The following SNX29 variants were observed in gnomAD, a reference collection of about 807,000 sequenced individuals.
The protein encoded by SNX29 is sorting nexin-29.
Under a neutral mutation model 102.1 loss-of-function variants are expected in SNX29, and 78 were observed. That is an observed-to-expected ratio of 0.76 (90% CI 0.64 to 0.92). The LOEUF (loss-of-function observed/expected upper bound fraction) is 0.92, where lower values mean the gene tolerates loss of function less well. Among genes scored for constraint, SNX29 ranks in the 40% least tolerant of loss-of-function variants. The pLI is 0.00. For synonymous variants in SNX29, 580 were observed against 414.5 expected (o/e 1.40, Z -4.85); for missense variants, 1,280 against 1,061.7 (o/e 1.21, Z -2.86).
chr16:12,164,230 A>G (rs2055913510), intron 13 of SNX29, among the ~76,000 whole-genome samples: 1 of 152,144 alleles, frequency 6.6e-6, no homozygotes, highest in Non-Finnish European at 1.5e-5. Context: ...AGAAATGTCA[A>G]GAGGGGCGCA....
chr16:12,093,348 G>T (rs2052637594), intron 11 of SNX29, among the ~76,000 whole-genome samples: 1 of 152,180 alleles, frequency 6.6e-6, no homozygotes, highest in African/African-American at 2.4e-5. Context: ...AGTGGTTCCT[G>T]GCTGTAATCC....
At chr16:12,010,956 C>T (rs2056628989) in intron 3 of SNX29, among the ~76,000 whole-genome samples, 1 of 151,858 alleles carries the variant, frequency 6.6e-6, no homozygotes, top group East Asian at 1.9e-4. Context: ...GAATGTTTGT[C>T]ATGTGATTTT....
At chr16:12,097,994 C>G (rs139090548) in intron 11 of SNX29, among the ~76,000 whole-genome samples, 1 of 152,236 alleles carries the variant, frequency 6.6e-6, no homozygotes, top group Admixed American at 6.5e-5. Context: ...CCTGCAGTCC[C>G]ACATGAAGGG....
At chr16:12,135,277 A>C (rs553964756) in intron 13 of SNX29, among the ~76,000 whole-genome samples, 1 of 152,344 alleles carries the variant, frequency 6.6e-6, no homozygotes, top group Non-Finnish European at 1.5e-5. Context: ...GCCCACACAC[A>C]TGGATATGCA....
At chr16:12,261,251 CA>C (rs2078747408) in intron 14 of SNX29, among the ~76,000 whole-genome samples, 1 of 126,604 alleles carries the variant, frequency 7.9e-6, no homozygotes, top group Non-Finnish European at 1.6e-5. Context: ...TCTGTGTGCG[CA>C]CCCCCGGGTG....
intron 14 of SNX29, among the ~76,000 whole-genome samples, chr16:12,242,352 A>AATATATAT (rs1272895007): frequency 0.012 from 1,717 of 137,924 alleles, 60 homozygotes; most frequent in African/African-American, 0.046. Flanking sequence ...TATATATAAT[A>AATATATAT]ATATATATAT....
At position 11,999,366 on chromosome 16, in the gene SNX29, G is replaced by A; in HGVS notation, c.69+8G>A. 6.2e-7 allele frequency: 1 copy of A among 1,613,954 alleles called. No homozygotes were observed. Reference sequence around the variant, plus strand: ...CTGGATGCAGTGAAACAGGTAAGCAGAAAGCACACATTTGCCTTTTTGGTC... The same window carrying A: ...CTGGATGCAGTGAAACAGGTAAGCAAAAAGCACACATTTGCCTTTTTGGTC... On this transcript the variant is annotated splice_region_variant and intron_variant, in intron 2 of 20. Coordinates refer to ENST00000566228, the MANE Select transcript of SNX29 (RefSeq NM_032167.5).
chr16:12,537,798 A>G (rs1050007381), intron 20 of SNX29, among the ~76,000 whole-genome samples: 10 of 152,192 alleles, frequency 6.6e-5, no homozygotes, highest in African/African-American at 1.4e-4. Flanking sequence ...AATATCTCCT[A>G]TATCAGAGAG....
At chr16:12,467,644 A>G (rs62028443) in intron 18 of SNX29, among the ~76,000 whole-genome samples, 20,039 of 141,312 alleles carry the variant, frequency 0.14, 1,604 homozygotes, top group East Asian at 0.29. Context: ...TCGTTCATTC[A>G]TTCATTCATT....
At chr16:12,559,175 T>G (rs539143154) in intron 20 of SNX29, among the ~76,000 whole-genome samples, 1 of 152,218 alleles carries the variant, frequency 6.6e-6, no homozygotes, top group Non-Finnish European at 1.5e-5. Context: ...CATAGCCTGT[T>G]AGGTACTGGG....
At chr16:12,430,409 C>G (rs2085262496) in intron 18 of SNX29, among the ~76,000 whole-genome samples, 1 of 152,204 alleles carries the variant, frequency 6.6e-6, no homozygotes, top group Non-Finnish European at 1.5e-5. Context: ...TTTTCTTCTC[C>G]AAGAACAGAC....
At chr16:12,479,371 G>A (rs1392405831) in intron 19 of SNX29, among the ~76,000 whole-genome samples, 1 of 152,188 alleles carries the variant, frequency 6.6e-6, no homozygotes, top group Admixed American at 6.5e-5. Context: ...TGGCACTTGG[G>A]AATTTCATAG....
At chr16:12,004,380 C>G (rs964457465) in intron 3 of SNX29, among the ~76,000 whole-genome samples, 4 of 151,968 alleles carry the variant, frequency 2.6e-5, no homozygotes, top group Non-Finnish European at 5.9e-5. Context: ...CATTGACATT[C>G]ACGACCCAGG....
At position 11,999,394 on chromosome 16, in the gene SNX29, G is replaced by A. The variant is rs760104226; in HGVS notation, c.69+36G>A. 5.0e-6 allele frequency: 8 copies of A among 1,605,410 alleles called. No homozygotes were observed. In the South Asian group the frequency reaches 7.7e-5, roughly 15 times the overall value. Reference sequence around the variant, plus strand: ...AGCACACATTTGCCTTTTTGGTCGAGTAATAGTGTCAGATAATTAATGTAG... The same window carrying A: ...AGCACACATTTGCCTTTTTGGTCGAATAATAGTGTCAGATAATTAATGTAG... On this transcript the variant is annotated intron_variant, in intron 2 of 20. Transcript: ENST00000566228.
chr16:12,563,930 A>G (rs1159169609), intron 20 of SNX29, among the ~76,000 whole-genome samples: 1 of 152,168 alleles, frequency 6.6e-6, no homozygotes, highest in Non-Finnish European at 1.5e-5. Context: ...TACAATACCT[A>G]GACGCTGATC....
chr16:12,142,835 A>G (rs1207109875), intron 13 of SNX29, among the ~76,000 whole-genome samples: 1 of 151,978 alleles, frequency 6.6e-6, no homozygotes, highest in South Asian at 2.1e-4. Context: ...TGCTGGGATT[A>G]CAGACCTGAG....
chr16:12,442,716 G>T (rs561292859), intron 18 of SNX29, among the ~76,000 whole-genome samples: 1 of 151,582 alleles, frequency 6.6e-6, no homozygotes, highest in African/African-American at 2.4e-5. Flanking sequence ...TCAACCTCTC[G>T]AGTAGCTGGG....
intron 19 of SNX29, among the ~76,000 whole-genome samples, chr16:12,518,619 A>G (rs210714): frequency 0.12 from 18,518 of 152,130 alleles, 1,494 homozygotes; most frequent in African/African-American, 0.23. Flanking sequence ...TGTGGGTTCC[A>G]TCGCAGCACT....
chr16:12,425,055 T>C (rs1034906178), intron 18 of SNX29, among the ~76,000 whole-genome samples: 7 of 152,196 alleles, frequency 4.6e-5, no homozygotes, highest in Admixed American at 1.3e-4. Flanking sequence ...TCATAAACAA[T>C]GTTGAGTGAA....
Sources: allele counts gnomAD v4.1 joint callset (sites outside exome capture counted in the v4.1 genomes callset), GRCh38; gene constraint gnomAD v4.1.1; transcripts MANE v1.5; gene names NCBI Gene and HGNC (gene_info 2026-07-23, HGNC 2026-07-21).